TUBG2: variants seen among roughly 807,000 people sequenced by gnomAD.
TUBG2 encodes tubulin gamma-2 chain.
In TUBG2, 39 loss-of-function variants were observed where a neutral mutation model predicts 55.1. The observed-to-expected ratio is 0.71, with a 90% CI of 0.55 to 0.93. The LOEUF (loss-of-function observed/expected upper bound fraction) is 0.93, where lower values mean the gene tolerates loss of function less well. Ranked by LOEUF, TUBG2 falls within the 40% of genes least tolerant of loss-of-function variation. TUBG2 has a pLI of 0.00. For synonymous variants in TUBG2, 223 were observed against 241.0 expected, an observed-to-expected ratio of 0.93 and a Z score of 0.69; for missense variants, 358 against 599.1, an observed-to-expected ratio of 0.60 and a Z score of 4.20.
At position 42,659,392 on chromosome 17, in the gene TUBG2, A is replaced by G; in HGVS notation, c.-112A>G. ...CACGCGCAGACCGAGCATCCGCGTC[A>G]AGAGGCGAAGAGAGCGCGCGCTCCC... On this transcript the variant is annotated 5_prime_UTR_variant, in exon 1 of 11. Coordinates refer to ENST00000251412, the MANE Select transcript of TUBG2 (RefSeq NM_016437.3). 8.7e-7 allele frequency: 1 copy of G among 1,154,886 alleles called. No homozygotes were observed. The highest frequency in any genetic ancestry group is 1.2e-6 in the Non-Finnish European group (1 of 836,722). The allele number at this position is 1,154,886 out of a possible 1,614,324, so 71.5% of individuals were successfully genotyped here. A position where few individuals can be genotyped will look rare whatever the true frequency, so the allele number is the denominator to read the frequency against.
intron 3 of TUBG2, 21 bp from the exon 4 acceptor site, chr17:42,660,618 C>A: frequency 6.2e-7 from 1 of 1,610,728 alleles, no homozygotes; most frequent in South Asian, 1.1e-5. Flanking sequence ...CCTGACCCTC[C>A]CTTTCCATAT....
chr17:42,664,041 G>T (rs1007330408), intron 6 of TUBG2, among the ~76,000 whole-genome samples: 1 of 151,924 alleles, frequency 6.6e-6, no homozygotes, highest in Non-Finnish European at 1.5e-5. Flanking sequence ...GGGAGGCAAA[G>T]GTTGCGGTGA....
chr17:42,663,428 G>C lies in TUBG2; in HGVS notation c.531G>C (p.Glu177Asp). 6.2e-7 allele frequency: 1 copy of C among 1,614,182 alleles called. No homozygotes were observed. The highest frequency in any genetic ancestry group is 2.2e-5 in the East Asian group (1 of 44,884). ...ATTCAGTGTTTCCCTACCAGGACGA[G>C]ATGAGCGACGTAGTGGTTCAGCCCT... Reference protein sequence around the residue: ...QTYSVFPYQDEMSDVVVQPYN... With the variant: ...QTYSVFPYQDDMSDVVVQPYN... The change falls in exon 6 of 11, where the codon GAG becomes GAC. Residue 177 changes from glutamate to aspartate, a missense_variant. This residue lies in a region of TUBG2 where 40 missense variants were observed against 40.4 expected (regional missense o/e 0.99). Transcript: ENST00000251412.
rs747796465 is a variant in TUBG2, at chr17:42,665,801, T to C, written c.817T>C (p.Tyr273His). Reference sequence around the variant, plus strand: ...ACGGCTCCACTTCCTCATGACCGGCTACACCCCGCTCACTACAGACCAGTC... The same window carrying C: ...ACGGCTCCACTTCCTCATGACCGGCCACACCCCGCTCACTACAGACCAGTC... The part of the protein sequence containing the change: ...TPRLHFLMTG[Y>H]TPLTTDQSVA... The change falls in exon 8 of 11, where the codon TAC becomes CAC. Residue 273 changes from tyrosine (Y) to histidine (H), a missense_variant. By Grantham distance (83) the Tyr-to-His change is moderately conservative (BLOSUM62 2). Around this residue, in one of 8 missense-constraint regions of TUBG2, gnomAD observed 129 missense variants for 251.6 expected, o/e 0.51. Coordinates refer to ENST00000251412, the MANE Select transcript of TUBG2 (RefSeq NM_016437.3). The C allele has an allele frequency of 1.9e-6, 3 of 1,614,194 alleles. No homozygotes were observed. Among genetic ancestry groups the C allele is most frequent in the Non-Finnish European group, 2.5e-6 (3 of 1,180,024 alleles).
At position 42,660,160 on chromosome 17, in the gene TUBG2, G is replaced by A. The variant is rs546026287; in HGVS notation, c.174G>A (p.Glu58=). Residue 58 remains glutamate, a synonymous_variant, in exon 3 of 11, where the codon GAG becomes GAA. Coordinates refer to ENST00000251412, the MANE Select transcript of TUBG2 (RefSeq NM_016437.3). ...KDVFFYQADD[E]HYIPRAVLLD... ...ACTCCCCTTGACAGGCAGACGATGA[G>A]CACTACATCCCCCGGGCCGTGCTGC... 28 of 1,597,568 alleles carry A rather than the reference G, an allele frequency of 1.8e-5. No homozygotes were observed. The highest frequency in any genetic ancestry group is 1.7e-4 in the Middle Eastern group (1 of 5,998).
Position 42,659,473 on chromosome 17 carries a change from C to T in TUBG2, c.-31C>T, listed in dbSNP as rs1446478570. ...CGTCTCAGCCGTGACTCTCGCCAGG[C>T]CGGGGCTGGCGCGCCCACGTCTGAA... is the stretch of plus-strand genomic sequence containing the variant. On this transcript the variant is annotated 5_prime_UTR_variant, in exon 1 of 11. Transcript: ENST00000251412. The T allele has an allele frequency of 2.6e-6, 4 of 1,543,122 alleles. No homozygotes were observed. The highest frequency in any genetic ancestry group is 2.6e-6 in the Non-Finnish European group (3 of 1,143,832).
Position 42,666,863 on chromosome 17 carries a change from CCT to C in TUBG2, c.*66_*67del. ...ACCACAGCCTCGACCATGCCTGCTC[CCT>C]CTGACCCAGCTTCACCTCATGGACA... is the stretch of plus-strand genomic sequence containing the variant. On this transcript the variant is annotated 3_prime_UTR_variant, in exon 11 of 11. Coordinates refer to ENST00000251412, the MANE Select transcript of TUBG2 (RefSeq NM_016437.3). 1.3e-6 allele frequency: 2 copies of C among 1,577,000 alleles called. No individual in the cohort carries two copies. Among genetic ancestry groups the C allele is most frequent in the Non-Finnish European group, 8.7e-7 (1 of 1,151,594 alleles).
At chr17:42,665,048 T>C (rs902807030) in intron 6 of TUBG2, among the ~76,000 whole-genome samples, 2 of 143,674 alleles carry the variant, frequency 1.4e-5, no homozygotes, top group Admixed American at 1.4e-4. Context: ...TTTTATTTTA[T>C]TATTTTATTT....
intron 6 of TUBG2, among the ~76,000 whole-genome samples, chr17:42,664,850 A>ATT (rs1463188501): frequency 9.0e-4 from 34 of 37,590 alleles, no homozygotes; most frequent in East Asian, 7.6e-3. Flanking sequence ...TTTTATTTAT[A>ATT]TTTATATATA....
intron 6 of TUBG2, among the ~76,000 whole-genome samples, chr17:42,665,237 C>T (rs902858654): frequency 4.0e-5 from 6 of 151,838 alleles, no homozygotes; most frequent in East Asian, 3.9e-4. Context: ...TTAGTAGAGA[C>T]GGGGTTTCAC....
intron 5 of TUBG2, 102 bp downstream of exon 5, chr17:42,663,154 C>A: frequency 2.2e-6 from 3 of 1,375,226 alleles, no homozygotes; most frequent in Non-Finnish European, 2.0e-6. Context: ...CCTTTTGAGT[C>A]ATAGGGACAG....
In TUBG2 at chr17:42,665,583, T is replaced by A. The variant is rs370868920; in HGVS notation, c.693+21T>A. 3 of 1,613,908 alleles carry A rather than the reference T, an allele frequency of 1.9e-6. No homozygotes were observed. In the African/African-American group the frequency reaches 4.0e-5, roughly 22 times the overall value. ...AGCTGGTGGGCCCCCACTCCCGGAC[T>A]CCTTTGGACTGGAAGCCCTCCTTGC... On this transcript the variant is annotated intron_variant, in intron 7 of 10. Transcript: ENST00000251412.
chr17:42,664,200 C>T (rs978009242), intron 6 of TUBG2, among the ~76,000 whole-genome samples: 3 of 151,362 alleles, frequency 2.0e-5, no homozygotes, highest in African/African-American at 7.3e-5. Flanking sequence ...TGCTTGAGCT[C>T]AGGAAGTCGA....
intron 5 of TUBG2, 126 bp downstream of exon 5, chr17:42,663,178 C>T: frequency 7.9e-7 from 1 of 1,270,548 alleles, no homozygotes; most frequent in Non-Finnish European, 1.1e-6. Context: ...CACCCAAGGA[C>T]CATGTTGGAA....
intron 5 of TUBG2, 144 bp downstream of exon 5, chr17:42,663,196 T>TG (rs2052430229): frequency 8.0e-7 from 1 of 1,248,810 alleles, no homozygotes; most frequent in African/African-American, 1.5e-5. Context: ...GAAGCTATTT[T>TG]GGGGGGTGGG....
At chr17:42,660,416 A>G in intron 3 of TUBG2, 100 bp downstream of exon 3, 2 of 1,566,628 alleles carry the variant, frequency 1.3e-6, no homozygotes, top group African/African-American at 1.4e-5. Context: ...AAAATAAGAG[A>G]CAAAAGGATG....
intron 6 of TUBG2, among the ~76,000 whole-genome samples, chr17:42,665,148 T>G (rs575958616): frequency 4.4e-4 from 67 of 152,138 alleles, no homozygotes; most frequent in Non-Finnish European, 8.2e-4. Context: ...CCCGGGTTCA[T>G]GCCATTCTCC....
intron 6 of TUBG2, 130 bp downstream of exon 6, chr17:42,663,633 C>G: frequency 1.7e-6 from 2 of 1,172,312 alleles, no homozygotes; most frequent in Non-Finnish European, 2.4e-6. Context: ...CATGTGAAAC[C>G]CTATCTCCAC....
At chr17:42,660,554 G>A in intron 3 of TUBG2, 85 bp from the exon 4 acceptor site, 1 of 1,402,930 alleles carries the variant, frequency 7.1e-7, no homozygotes, top group South Asian at 1.2e-5. Context: ...ATATTCCAGG[G>A]TAGACAGAAT....
Sources: allele counts gnomAD v4.1 joint callset (sites outside exome capture counted in the v4.1 genomes callset), GRCh38; gene constraint gnomAD v4.1.1; regional missense constraint gnomAD v4.1.1; transcripts MANE v1.5; gene names NCBI Gene and HGNC (gene_info 2026-07-23, HGNC 2026-07-21).